Variants in MGAT4C observed in about 807,000 individuals in gnomAD.
MGAT4C encodes the protein MGAT4 family member C.
MGAT4C carries 19 observed loss-of-function variants against 40.1 expected under a neutral mutation model. The ratio of observed to expected loss-of-function variants is 0.47; its 90% CI spans 0.33 to 0.70. MGAT4C has a LOEUF of 0.70. MGAT4C is among the 30% of genes least tolerant of loss of function. MGAT4C has a pLI of 0.02. For missense variants in MGAT4C, 491 were observed against 563.2 expected (o/e 0.87, Z 1.30); for synonymous variants, 181 against 187.1 (o/e 0.97, Z 0.27).
chr12:86,100,688 T>A (rs886084276), intron 1 of MGAT4C, among the ~76,000 whole-genome samples: 4 of 151,578 alleles, frequency 2.6e-5, no homozygotes, highest in Non-Finnish European at 5.9e-5. Context: ...AAAATTTTTA[T>A]GTAACTATAC....
intron 1 of MGAT4C, among the ~76,000 whole-genome samples, chr12:86,224,153 G>T (rs1331768448): frequency 1.3e-5 from 2 of 151,984 alleles, no homozygotes; most frequent in African/African-American, 2.4e-5. Context: ...CCACCAGGGG[G>T]GTCTGAAGAC....
chr12:86,409,599 T>A (rs553108608), intron 3 of MGAT4C, among the ~76,000 whole-genome samples: 30 of 152,300 alleles, frequency 2.0e-4, no homozygotes, highest in Non-Finnish European at 3.8e-4. Flanking sequence ...CTGTTCAATG[T>A]CAAAATGGAA....
intron 2 of MGAT4C, among the ~76,000 whole-genome samples, chr12:86,513,956 C>T (rs908682441): frequency 6.6e-6 from 1 of 151,610 alleles, no homozygotes; most frequent in African/African-American, 2.4e-5. Context: ...GATTTGAAGC[C>T]CTCAAAAGCC....
At chr12:86,201,812 T>C (rs960601781) in intron 1 of MGAT4C, among the ~76,000 whole-genome samples, 1 of 152,076 alleles carries the variant, frequency 6.6e-6, no homozygotes, top group African/African-American at 2.4e-5. Flanking sequence ...CCATAGACCT[T>C]CTTTACCATT....
chr12:86,391,462 C>T (rs1049485698), intron 3 of MGAT4C, among the ~76,000 whole-genome samples: 3 of 152,090 alleles, frequency 2.0e-5, no homozygotes, highest in African/African-American at 2.4e-5. Context: ...AGAAGAAATG[C>T]CATTGATTTC....
intron 2 of MGAT4C, among the ~76,000 whole-genome samples, chr12:85,999,172 C>T (rs1475686275): frequency 6.6e-6 from 1 of 152,124 alleles, no homozygotes; most frequent in African/African-American, 2.4e-5. Flanking sequence ...ATCATGAGAA[C>T]AGCATGAGAA....
intron 2 of MGAT4C, among the ~76,000 whole-genome samples, chr12:86,705,514 G>T (rs1045287384): frequency 2.8e-4 from 42 of 150,720 alleles, no homozygotes; most frequent in African/African-American, 8.8e-4. Flanking sequence ...CCCAGGTAAA[G>T]AAAAAAAATG....
At chr12:86,104,607 T>A (rs1234958140) in intron 1 of MGAT4C, among the ~76,000 whole-genome samples, 2 of 152,198 alleles carry the variant, frequency 1.3e-5, no homozygotes, top group East Asian at 3.8e-4. Context: ...TCTTAATATC[T>A]TCAGGGTTCA....
chr12:86,135,046 G>A (rs1397567311), intron 1 of MGAT4C, among the ~76,000 whole-genome samples: 4 of 151,964 alleles, frequency 2.6e-5, no homozygotes, highest in South Asian at 2.1e-4. Context: ...GAAAGTAAGC[G>A]TCTTATGAAA....
chr12:86,603,763 A>C (rs1961927975), intron 2 of MGAT4C, among the ~76,000 whole-genome samples: 1 of 119,778 alleles, frequency 8.3e-6, no homozygotes, highest in African/African-American at 3.1e-5. Context: ...TATAATATAT[A>C]GTATAATTAT....
At chr12:86,400,835 C>T (rs1164417803) in intron 3 of MGAT4C, among the ~76,000 whole-genome samples, 1 of 152,118 alleles carries the variant, frequency 6.6e-6, no homozygotes, top group Non-Finnish European at 1.5e-5. Flanking sequence ...TTTTCTTAAA[C>T]TGCATACTGC....
intron 2 of MGAT4C, among the ~76,000 whole-genome samples, chr12:86,616,935 A>G (rs1009757068): frequency 2.6e-5 from 4 of 152,142 alleles, no homozygotes; most frequent in African/African-American, 2.4e-5. Context: ...TTACTTCTCA[A>G]AAACCTGTTA....
rs116721981 is a variant in MGAT4C, at chr12:86,472,823, C to T, written c.-228-37558G>A. 8.1e-4 allele frequency among the ~76,000 whole-genome samples: 122 copies of T among 151,478 alleles called. 1 individual carries two copies. Among genetic ancestry groups the T allele is most frequent in the African/African-American group, 2.8e-3 (116 of 41,238 alleles). ...TGAGTCACAGATATTTAATTACAGT[C>T]GAGTTAAAAGAAGAAAGAAAATGAA... On this transcript the variant is annotated intron_variant, in intron 2 of 7. Transcript: ENST00000548651.
At chr12:86,424,889 T>C (rs1159135159) in intron 3 of MGAT4C, among the ~76,000 whole-genome samples, 1 of 152,134 alleles carries the variant, frequency 6.6e-6, no homozygotes, top group East Asian at 1.9e-4. Flanking sequence ...CCCGAGTAGC[T>C]GGGACTACAG....
intron 1 of MGAT4C, among the ~76,000 whole-genome samples, chr12:86,760,030 C>A (rs1212332436): frequency 6.6e-6 from 1 of 152,028 alleles, no homozygotes; most frequent in Non-Finnish European, 1.5e-5. Flanking sequence ...AAACATGCTA[C>A]AAAGTCATAA....
intron 1 of MGAT4C, among the ~76,000 whole-genome samples, chr12:86,135,279 G>A (rs376803512): frequency 6.6e-6 from 1 of 152,132 alleles, no homozygotes; most frequent in African/African-American, 2.4e-5. Flanking sequence ...AGATCAAGGA[G>A]GACAGGATCA....
chr12:86,001,798 A>T (rs1887326538), intron 2 of MGAT4C: 1 of 221,240 alleles, frequency 4.5e-6, no homozygotes, highest in Non-Finnish European at 7.6e-6. Flanking sequence ...TTTGTGAGGC[A>T]ACTCTGTTCT....
intron 3 of MGAT4C, among the ~76,000 whole-genome samples, chr12:86,370,989 G>C (rs1955704135): frequency 6.6e-6 from 1 of 151,984 alleles, no homozygotes; most frequent in Non-Finnish European, 1.5e-5. Flanking sequence ...ATGTATAGGA[G>C]CAGAGAGGCT....
At chr12:86,258,284 AATCTATCTATCTATCT>A (rs10534958), upstream of MGAT4C, among the ~76,000 whole-genome samples, 118 of 146,758 alleles carry the variant, frequency 8.0e-4, no homozygotes, top group Middle Eastern at 3.5e-3. Flanking sequence ...AACAGGATAT[AATCTATCTATCTATCT>A]ATCTATCTAT....
Sources: gnomAD v4.1 joint callset for allele counts (sites outside exome capture counted in the v4.1 genomes callset) on GRCh38, gnomAD v4.1.1 for gene constraint, MANE v1.5 for transcripts, NCBI Gene and HGNC (gene_info 2026-07-23, HGNC 2026-07-21) for gene names.